BAZ2B: variants seen among roughly 807,000 people sequenced by gnomAD.
BAZ2B encodes bromodomain adjacent to zinc finger domain protein 2B.
In BAZ2B, 91 loss-of-function variants were observed where a neutral mutation model predicts 246.0. That is an observed-to-expected ratio of 0.37 (90% CI 0.31 to 0.44). The LOEUF is 0.44. Among genes scored for constraint, BAZ2B ranks in the 20% least tolerant of loss-of-function variants. The pLI, the probability that BAZ2B is intolerant of heterozygous loss-of-function variation, is 1.00. For synonymous variants in BAZ2B, 855 were observed against 860.0 expected (o/e 0.99, Z 0.10); for missense variants, 2,332 against 2,533.7 (o/e 0.92, Z 1.71).
intron 2 of BAZ2B, among the ~76,000 whole-genome samples, chr2:159,519,205 A>ATT (rs2083771094): frequency 1.2e-4 from 7 of 56,506 alleles, no homozygotes; most frequent in African/African-American, 3.2e-4. Context: ...TTCATATTCT[A>ATT]TTTTCTTTTT....
At chr2:159,425,938 CTAAT>C (rs1024047179) in intron 13 of BAZ2B, among the ~76,000 whole-genome samples, 3 of 152,156 alleles carry the variant, frequency 2.0e-5, no homozygotes, top group Non-Finnish European at 4.4e-5. Context: ...ATATGCATCT[CTAAT>C]TAATTAACTA....
intron 13 of BAZ2B, among the ~76,000 whole-genome samples, chr2:159,417,528 C>A (rs1253116143): frequency 6.6e-6 from 1 of 151,748 alleles, no homozygotes; most frequent in Non-Finnish European, 1.5e-5. Context: ...AATTTGTATT[C>A]TTAGTGAATA....
chr2:159,670,294 A>T, the BAZ2B span, among the ~76,000 whole-genome samples: 1 of 152,144 alleles, frequency 6.6e-6, no homozygotes, highest in African/African-American at 2.4e-5. Flanking sequence ...TTAGAAAGAT[A>T]ATTTAAATAC....
At chr2:159,467,466 G>C (rs1468225624) in intron 3 of BAZ2B, among the ~76,000 whole-genome samples, 1 of 152,022 alleles carries the variant, frequency 6.6e-6, no homozygotes, top group Non-Finnish European at 1.5e-5. Flanking sequence ...CCAGTGCAAG[G>C]GGAGGTATTT....
At chr2:159,351,482 T>TA (rs914495577) in intron 27 of BAZ2B, among the ~76,000 whole-genome samples, 78 of 148,246 alleles carry the variant, frequency 5.3e-4, no homozygotes, top group Admixed American at 8.1e-4. Context: ...AATAAATTCC[T>TA]AAAAAAAAAA....
At chr2:159,342,851 A>G (rs2066983671) in intron 31 of BAZ2B, among the ~76,000 whole-genome samples, 1 of 152,212 alleles carries the variant, frequency 6.6e-6, no homozygotes, top group Non-Finnish European at 1.5e-5. Context: ...ACCCAATGCG[A>G]TCTACAGATT....
Position 159,324,795 on chromosome 2 carries a change from GA to G in BAZ2B, c.6353+15del. ...GTATTCAATAAATATTTAGTGAACT[GA>G]AATGATTTACTTACTGTCCACTACT... On this transcript the variant is annotated intron_variant, in intron 36 of 36. Coordinates refer to ENST00000392783, the MANE Select transcript of BAZ2B (RefSeq NM_013450.4). The G allele has an allele frequency of 6.9e-7, 1 of 1,455,344 alleles. No individual in the cohort carries two copies. The highest frequency in any genetic ancestry group is 9.1e-7 in the Non-Finnish European group (1 of 1,102,028). 90.2% of individuals were successfully genotyped at this position (1,455,344 alleles called of 1,614,324 possible).
At position 159,320,263 on chromosome 2, in the gene BAZ2B, C is replaced by T. The variant is rs748255710; in HGVS notation, c.*2G>A. The T allele has an allele frequency of 6.5e-7, 1 of 1,540,524 alleles. No homozygotes were observed. Among genetic ancestry groups the T allele is most frequent in the Non-Finnish European group, 8.6e-7 (1 of 1,157,000 alleles). On this transcript the variant is annotated 3_prime_UTR_variant, in exon 37 of 37. Transcript: ENST00000392783. ...GAAAAAAATAAAGAGATTATTATAA[C>T]TTCAGCTCACTTTGAAAGTATCTGT...
At position 159,433,488 on chromosome 2, in the gene BAZ2B, T is replaced by A. The variant is rs2071535746; in HGVS notation, c.1294-125A>T. On this transcript the variant is annotated intron_variant, in intron 8 of 36. Coordinates refer to ENST00000392783, the MANE Select transcript of BAZ2B (RefSeq NM_013450.4). ...TCATATATAAATTTAAATCATGATA[T>A]ACAAATGCTGTAAAAGTAGCAACAG... 3.5e-6 allele frequency: 3 copies of A among 866,164 alleles called. No individual in the cohort carries two copies. The South Asian group carries it at 6.4e-5, about 19-fold the overall frequency. 53.7% of individuals were successfully genotyped at this position (866,164 alleles called of 1,614,324 possible).
At chr2:159,396,945 G>T in intron 19 of BAZ2B, 1 of 589,558 alleles carries the variant, frequency 1.7e-6, no homozygotes, top group Non-Finnish European at 2.6e-6. Flanking sequence ...AATGCACTGT[G>T]CTGTAAAGCC....
In BAZ2B at chr2:159,453,800, TCCTGGGAGGG is replaced by T; in HGVS notation, c.146-9_146del. The T allele has an allele frequency of 6.3e-7, 1 of 1,578,088 alleles. No individual in the cohort carries two copies. Among genetic ancestry groups the T allele is most frequent in the South Asian group, 1.2e-5 (1 of 84,194 alleles). On this transcript the variant is annotated splice_acceptor_variant and splice_polypyrimidine_tract_variant and coding_sequence_variant and intron_variant, in exon 4 of 37. Transcript: ENST00000392783. LOFTEE classifies it high-confidence loss of function. ...GATCCCCAGCTGTTCTGAATAAATG[TCCTGGGAGGG>T]AAAAAAACACACTTAAAGTTGTACT...
At chr2:159,648,896 C>G in the BAZ2B span, among the ~76,000 whole-genome samples, 1 of 152,264 alleles carries the variant, frequency 6.6e-6, no homozygotes, top group Admixed American at 6.5e-5. Flanking sequence ...AACTGCCAAA[C>G]TGTTTACCAA....
the BAZ2B span, among the ~76,000 whole-genome samples, chr2:159,654,922 A>G: frequency 3.3e-5 from 5 of 152,340 alleles, 1 homozygote; most frequent in South Asian, 8.3e-4. Flanking sequence ...AAAGGTAAAA[A>G]GACATGTAAA....
chr2:159,562,808 T>C (rs545405132), intron 1 of BAZ2B, among the ~76,000 whole-genome samples: 1 of 152,280 alleles, frequency 6.6e-6, no homozygotes, highest in South Asian at 2.1e-4. Flanking sequence ...TATACCAAAA[T>C]TAGAGTCCAT....
intron 1 of BAZ2B, among the ~76,000 whole-genome samples, chr2:159,576,168 C>T (rs763635243): frequency 6.6e-6 from 1 of 152,126 alleles, no homozygotes; most frequent in Admixed American, 6.6e-5. Context: ...ATTTACTATA[C>T]ACTAGCTTTG....
intron 2 of BAZ2B, among the ~76,000 whole-genome samples, chr2:159,541,631 C>T (rs549706495): frequency 1.3e-5 from 2 of 152,264 alleles, no homozygotes; most frequent in South Asian, 4.1e-4. Context: ...CTACTATGTC[C>T]TGTATTTTCT....
chr2:159,343,312 C>T (rs1413800006), intron 31 of BAZ2B, among the ~76,000 whole-genome samples: 1 of 152,066 alleles, frequency 6.6e-6, no homozygotes, highest in African/African-American at 2.4e-5. Flanking sequence ...GATAAAACTA[C>T]AGAAGAAACA....
intron 27 of BAZ2B, among the ~76,000 whole-genome samples, chr2:159,364,871 G>A (rs748804590): frequency 1.1e-4 from 17 of 152,128 alleles, no homozygotes; most frequent in Non-Finnish European, 1.2e-4. Context: ...GACTCAGGCA[G>A]GGGTACTGCA....
the BAZ2B span, among the ~76,000 whole-genome samples, chr2:159,654,277 C>A: frequency 6.6e-6 from 1 of 152,208 alleles, no homozygotes; most frequent in Non-Finnish European, 1.5e-5. Context: ...GTTATATCTA[C>A]AGAGTTTATA....
Sources: allele counts gnomAD v4.1 joint callset (sites outside exome capture counted in the v4.1 genomes callset), GRCh38; gene constraint gnomAD v4.1.1; transcripts MANE v1.5; gene names NCBI Gene and HGNC (gene_info 2026-07-23, HGNC 2026-07-21).